BNC2: variants seen among roughly 807,000 people sequenced by gnomAD.
BNC2 encodes the protein zinc finger protein basonuclin-2.
Under a neutral mutation model 76.3 loss-of-function variants are expected in BNC2, and 20 were observed. The ratio of observed to expected loss-of-function variants is 0.26; its 90% CI spans 0.18 to 0.38. The LOEUF (loss-of-function observed/expected upper bound fraction) is 0.38. Among genes scored for constraint, BNC2 ranks in the 10% least tolerant of loss-of-function variants. BNC2 has a pLI of 1.00. For synonymous variants in BNC2, 582 were observed against 514.8 expected (o/e 1.13, Z -1.77); for missense variants, 1,382 against 1,399.8 (o/e 0.99, Z 0.20).
At chr9:16,650,732 T>C (rs1354937229) in intron 3 of BNC2, among the ~76,000 whole-genome samples, 1 of 152,116 alleles carries the variant, frequency 6.6e-6, no homozygotes, top group African/African-American at 2.4e-5. Context: ...GGGAAATATC[T>C]TATAGAAGCT....
intron 1 of BNC2, among the ~76,000 whole-genome samples, chr9:16,792,091 G>GAC (rs1264669071): frequency 7.8e-6 from 1 of 127,488 alleles, no homozygotes; most frequent in African/African-American, 2.8e-5. Flanking sequence ...GATAGAACAA[G>GAC]ACCTTGACCC....
chr9:16,628,430 C>A (rs1046888438), intron 3 of BNC2, among the ~76,000 whole-genome samples: 3 of 152,126 alleles, frequency 2.0e-5, no homozygotes, highest in African/African-American at 7.2e-5. Flanking sequence ...AGTGGAACGC[C>A]GTGAGAGGTC....
intron 1 of BNC2, among the ~76,000 whole-genome samples, chr9:16,741,957 CAAAAAAAAA>C (rs35573018): frequency 1.3e-5 from 1 of 79,400 alleles, no homozygotes; most frequent in Non-Finnish European, 2.2e-5. Context: ...GGCTCCATCT[CAAAAAAAAA>C]AAAAAAAAAA....
chr9:16,450,472 C>G (rs992530977), intron 5 of BNC2, among the ~76,000 whole-genome samples: 1 of 152,188 alleles, frequency 6.6e-6, no homozygotes, highest in South Asian at 2.1e-4. Flanking sequence ...GTAAAATATT[C>G]AAAATGCTTC....
chr9:16,867,321 A>G (rs1411769048), intron 1 of BNC2: 4 of 151,872 alleles, frequency 2.6e-5, no homozygotes, highest in Non-Finnish European at 5.9e-5. Flanking sequence ...ATTTATACAC[A>G]ATACTAGTAT....
chr9:16,593,002 A>AAAAAGC (rs1189332639), intron 3 of BNC2, among the ~76,000 whole-genome samples: 1 of 152,198 alleles, frequency 6.6e-6, no homozygotes, highest in Admixed American at 6.6e-5. Flanking sequence ...TTGCGGGGCA[A>AAAAAGC]AAAAGCAAAA....
chr9:16,864,525 C>T (rs1819492800), intron 1 of BNC2, among the ~76,000 whole-genome samples: 1 of 152,170 alleles, frequency 6.6e-6, no homozygotes, highest in African/African-American at 2.4e-5. Flanking sequence ...ACCCTCAACT[C>T]TGTCTATCTC....
intron 1 of BNC2, among the ~76,000 whole-genome samples, chr9:16,806,385 G>C (rs569176804): frequency 6.6e-6 from 1 of 151,984 alleles, no homozygotes; most frequent in Non-Finnish European, 1.5e-5. Context: ...AAAGAAAAAA[G>C]AAAAGAAAAG....
intron 1 of BNC2, among the ~76,000 whole-genome samples, chr9:16,859,976 G>A (rs929393894): frequency 2.0e-5 from 3 of 152,070 alleles, no homozygotes; most frequent in Non-Finnish European, 4.4e-5. Flanking sequence ...AAAAAAATTA[G>A]CCAGTCATGG....
At chr9:16,552,043 AC>A (rs1311918859) in intron 5 of BNC2, among the ~76,000 whole-genome samples, 1 of 152,156 alleles carries the variant, frequency 6.6e-6, no homozygotes, top group African/African-American at 2.4e-5. Context: ...TTATAGTTCT[AC>A]CTTTGAGTTG....
chr9:16,786,678 C>G (rs1005667316), intron 1 of BNC2, among the ~76,000 whole-genome samples: 1 of 152,158 alleles, frequency 6.6e-6, no homozygotes, highest in Non-Finnish European at 1.5e-5. Context: ...TGAACCCCAA[C>G]TGCAGAAAGG....
chr9:16,833,952 T>C (rs551670602), intron 1 of BNC2, among the ~76,000 whole-genome samples: 1 of 152,244 alleles, frequency 6.6e-6, no homozygotes, highest in Non-Finnish European at 1.5e-5. Context: ...AAGCTCTCTC[T>C]AATCTCAGGC....
chr9:16,793,682 T>C (rs1311350090), intron 1 of BNC2, among the ~76,000 whole-genome samples: 1 of 76,622 alleles, frequency 1.3e-5, no homozygotes, highest in Non-Finnish European at 2.5e-5. Context: ...TTTTTTTTTT[T>C]TGAGAGGGAG....
intron 3 of BNC2, among the ~76,000 whole-genome samples, chr9:16,720,974 C>A (rs1174993663): frequency 5.9e-5 from 9 of 152,140 alleles, no homozygotes; most frequent in Non-Finnish European, 1.3e-4. Context: ...GTGAAATCTG[C>A]GAGGCTTCCT....
At chr9:16,766,016 T>G (rs1321493860) in intron 1 of BNC2, among the ~76,000 whole-genome samples, 1 of 152,112 alleles carries the variant, frequency 6.6e-6, no homozygotes, top group African/African-American at 2.4e-5. Flanking sequence ...CTCGATCTCC[T>G]GACCTCGTGA....
At chr9:16,546,788 C>G (rs144369892) in intron 5 of BNC2, among the ~76,000 whole-genome samples, 1 of 152,282 alleles carries the variant, frequency 6.6e-6, no homozygotes, top group Non-Finnish European at 1.5e-5. Flanking sequence ...TGCCACACTG[C>G]ATCTACAGAC....
At position 16,410,007 on chromosome 9, in the gene BNC2, A is replaced by C. The variant is rs139419836; in HGVS notation, c.*8982T>G. The C allele has an allele frequency of 5.3e-5, 8 of 152,370 alleles. No homozygotes were observed. The East Asian group carries it at 1.5e-3, about 29-fold the overall frequency. 9.4% of individuals were successfully genotyped at this position (152,370 alleles called of 1,614,324 possible). A position where few individuals can be genotyped will look rare whatever the true frequency, so the allele number is the denominator to read the frequency against. ...AAATTCCTTTTCTTCAAGATATTTC[A>C]ACTCCCTCTGGCCACTTTTGCTGTC... On this transcript the variant is annotated 3_prime_UTR_variant, in exon 7 of 7. Transcript: ENST00000380672.
intron 1 of BNC2, among the ~76,000 whole-genome samples, chr9:16,805,526 T>A (rs1817887148): frequency 6.6e-6 from 1 of 151,852 alleles, no homozygotes; most frequent in Non-Finnish European, 1.5e-5. Context: ...CGGGGTTTCA[T>A]CATATTGGTC....
chr9:16,776,294 C>T (rs1825966516), intron 1 of BNC2, among the ~76,000 whole-genome samples: 3 of 152,246 alleles, frequency 2.0e-5, no homozygotes, highest in Admixed American at 2.0e-4. Flanking sequence ...GAGCCCACCA[C>T]CACGCCCTGC....
Sources: gnomAD v4.1 joint callset for allele counts (sites outside exome capture counted in the v4.1 genomes callset) on GRCh38, gnomAD v4.1.1 for gene constraint, MANE v1.5 for transcripts, NCBI Gene and HGNC (gene_info 2026-07-23, HGNC 2026-07-21) for gene names.